RASIP1: variants seen among roughly 807,000 people sequenced by gnomAD.
RASIP1 encodes ras-interacting protein 1.
RASIP1 carries 20 observed loss-of-function variants against 85.3 expected under a neutral mutation model. The observed-to-expected ratio is 0.23, with a 90% CI of 0.17 to 0.34. The LOEUF (loss-of-function observed/expected upper bound fraction) is 0.34. Ranked by LOEUF, RASIP1 falls within the 10% of genes least tolerant of loss-of-function variation. RASIP1 has a pLI of 1.00. For synonymous variants in RASIP1, 617 were observed against 647.1 expected, an observed-to-expected ratio of 0.95 and a Z score of 0.71; for missense variants, 1,170 against 1,390.9, an observed-to-expected ratio of 0.84 and a Z score of 2.53.
chr19:48,739,926 C>T lies in RASIP1; in HGVS notation c.137+220G>A, dbSNP rs997598287. 1.3e-5 allele frequency among the ~76,000 whole-genome samples: 2 copies of T among 152,100 alleles called. No homozygotes were observed. Among genetic ancestry groups the T allele is most frequent in the Admixed American group, 6.5e-5 (1 of 15,270 alleles). On this transcript the variant is annotated intron_variant, in intron 2 of 11. Coordinates refer to ENST00000222145, the MANE Select transcript of RASIP1 (RefSeq NM_017805.3). This position sits in a 1 kb window ranked among gnomAD's most constrained non-coding sequence, Gnocchi z 9.2. ...TCAATCCCCCTGCTCCTTCTGTCCC[C>T]GTCCCCGTGCCCATCCGGCCTCACT... is the stretch of plus-strand genomic sequence containing the variant.
rs2033615733 is a variant in RASIP1, at chr19:48,738,812, A to G, written c.823+148T>C. 5.0e-6 allele frequency: 5 copies of G among 1,006,304 alleles called. No homozygotes were observed. Among genetic ancestry groups the G allele is most frequent in the Non-Finnish European group, 6.3e-6 (5 of 799,216 alleles). 62.3% of individuals were successfully genotyped at this position (1,006,304 alleles called of 1,614,324 possible). On this transcript the variant is annotated intron_variant, in intron 3 of 11. Transcript: ENST00000222145. The surrounding 1 kb of genome is among the most constrained non-coding windows in gnomAD (Gnocchi z 4.0). ...GCTCTAGCTCTGCCTAGAGTCCAAC[A>G]CGCACCGTCCAGTCCCCTCCCAGTC... is the stretch of plus-strand genomic sequence containing the variant.
chr19:48,737,235 A>G (rs759158275), intron 3 of RASIP1, among the ~76,000 whole-genome samples: 1 of 152,192 alleles, frequency 6.6e-6, no homozygotes, highest in Non-Finnish European at 1.5e-5. Flanking sequence ...ATCCTCACCT[A>G]GGATTTTACT....
Position 48,739,401 on chromosome 19 carries a change from C to T in RASIP1, c.382G>A (p.Ala128Thr). The change falls in exon 3 of 12, where the codon GCG (alanine) becomes ACG (threonine). Residue 128 changes from alanine (A) to threonine (T), a missense_variant. Ala to Thr is a moderately conservative substitution (Grantham distance 58). Transcript: ENST00000222145. The surrounding 1 kb of genome is among the most constrained non-coding windows in gnomAD (Gnocchi z 9.2). ...WASEKKLPELAAGVAPEPPLA... is the reference protein window; with the variant it reads ...WASEKKLPELTAGVAPEPPLA... ...GGGGGCTCGGGGGCCACGCCCGCCG[C>T]CAGCTCCGGCAGCTTCTTCTCGCTG... 2 of 1,357,300 alleles carry T rather than the reference C, an allele frequency of 1.5e-6. No individual in the cohort carries two copies. Among genetic ancestry groups the T allele is most frequent in the Non-Finnish European group, 1.9e-6 (2 of 1,060,198 alleles). The allele number at this position is 1,357,300 out of a possible 1,614,324, so 84.1% of individuals were successfully genotyped here.
intron 4 of RASIP1, among the ~76,000 whole-genome samples, chr19:48,729,813 C>A (rs904115392): frequency 2.9e-5 from 4 of 139,314 alleles, no homozygotes; most frequent in South Asian, 4.8e-4. Context: ...CTCCTGAGTT[C>A]AAGCAATTCT....
intron 5 of RASIP1, 123 bp downstream of exon 5, chr19:48,728,814 C>T (rs2033389999): frequency 1.8e-6 from 2 of 1,095,968 alleles, no homozygotes; most frequent in Admixed American, 4.3e-5. Flanking sequence ...CAAATCCTTC[C>T]CGAGGCGTCA....
chr19:48,735,679 T>G, intron 3 of RASIP1, 128 bp from the exon 4 acceptor site: 1 of 930,788 alleles, frequency 1.1e-6, no homozygotes, highest in Non-Finnish European at 1.6e-6. Flanking sequence ...GATTTAGGCT[T>G]TTGCATATTC....
rs765206379 is a variant in RASIP1, at chr19:48,727,012, T to G, written c.2018A>C (p.Gln673Pro). The G allele has an allele frequency of 6.2e-7, 1 of 1,614,176 alleles. No individual in the cohort carries two copies. Among genetic ancestry groups the G allele is most frequent in the Non-Finnish European group, 8.5e-7 (1 of 1,180,032 alleles). ...KVLEMEKEAD[Q>P]EDPQLCNDLE... Reference sequence around the variant, plus strand: ...GAGCCTGAGTCAGAGCTCACCCTCTTGGTCAGCCTCCTTCTCCATTTCCAG... The same window carrying G: ...GAGCCTGAGTCAGAGCTCACCCTCTGGGTCAGCCTCCTTCTCCATTTCCAG... The change falls in exon 7 of 12, where the codon CAA (glutamine) becomes CCA (proline). Residue 673 changes from glutamine (Q) to proline (P), a missense_variant. Physicochemically the swap from Gln to Pro is moderately conservative, Grantham distance 76. This residue lies in a region of RASIP1 where 426 missense variants were observed against 576.2 expected (regional missense o/e 0.74). Transcript: ENST00000222145.
chr19:48,726,944 A>G lies in RASIP1; in HGVS notation c.2024-56T>C. ...ACCAGAAGTCGGCAGCCAGGAGCCC[A>G]GGTCCCCAGGTGCAGGGCATGATGG... is the stretch of plus-strand genomic sequence containing the variant. On this transcript the variant is annotated intron_variant, in intron 7 of 11. Coordinates refer to ENST00000222145, the MANE Select transcript of RASIP1 (RefSeq NM_017805.3). The G allele has an allele frequency of 3.1e-6, 5 of 1,609,552 alleles. No individual in the cohort carries two copies. In the South Asian group the frequency reaches 3.3e-5, roughly 11 times the overall value.
Position 48,724,627 on chromosome 19 carries a change from G to A in RASIP1, c.2371+90C>T. ...AGCTTGTTCTCCAGGGTACCCAAAG[G>A]TGAGGCTTGAGCCCGTGGTGTGTCT... On this transcript the variant is annotated intron_variant, in intron 9 of 11. Transcript: ENST00000222145. The surrounding 1 kb of genome is among the most constrained non-coding windows in gnomAD (Gnocchi z 4.6). 1.9e-6 allele frequency: 3 copies of A among 1,580,086 alleles called. No individual in the cohort carries two copies. Among genetic ancestry groups the A allele is most frequent in the Non-Finnish European group, 2.6e-6 (3 of 1,159,382 alleles).
At chr19:48,725,224 A>C (rs1227066005) in intron 8 of RASIP1, 1 of 400,848 alleles carries the variant, frequency 2.5e-6, no homozygotes, top group Non-Finnish European at 4.5e-6. Flanking sequence ...AGGACAAAGG[A>C]TACTGGACAA....
chr19:48,726,235 C>G (rs1052901289), intron 8 of RASIP1, among the ~76,000 whole-genome samples: 3 of 151,740 alleles, frequency 2.0e-5, no homozygotes, highest in Admixed American at 2.0e-4. Context: ...TTATATTACT[C>G]TTTTGAGACA....
chr19:48,724,381 T>C lies in RASIP1; in HGVS notation c.2500A>G (p.Met834Val). The change falls in exon 10 of 12, where the codon ATG becomes GTG. Residue 834 changes from methionine (M) to valine (V), a missense_variant. By Grantham distance (21) the Met-to-Val change is conservative (BLOSUM62 1). Transcript: ENST00000222145. This position sits in a 1 kb window ranked among gnomAD's most constrained non-coding sequence, Gnocchi z 4.6. ...IATEFFRKLS[M>V]AVNLLCVPRT... ...GGCACACAGAGCAGGTTCACAGCCA[T>C]GGAGAGTTTCCGGAAGAACTCAGTG... 6.2e-7 allele frequency: 1 copy of C among 1,614,134 alleles called. No individual in the cohort carries two copies.
chr19:48,737,049 A>G (rs541897183), intron 3 of RASIP1, among the ~76,000 whole-genome samples: 1 of 152,280 alleles, frequency 6.6e-6, no homozygotes, highest in African/African-American at 2.4e-5. Flanking sequence ...CAACAACGAC[A>G]ACAACAACAA....
rs758635099 is a variant in RASIP1 at position 48,735,463 on chromosome 19, G to T, written c.912C>A (p.Thr304=). The T allele has an allele frequency of 3.2e-6, 5 of 1,584,898 alleles. No individual in the cohort carries two copies. The African/African-American group carries it at 4.0e-5, about 13-fold the overall frequency. The change falls in exon 4 of 12, where the codon ACC becomes ACA. Residue 304 remains threonine, a synonymous_variant. Coordinates refer to ENST00000222145, the MANE Select transcript of RASIP1 (RefSeq NM_017805.3). ...CAGACCCAGCTGGGGCCCCTGATCC[G>T]GTCCCCGGGCCAGGACTGGCCAGCG... ...GAALASPGPG[T]GSGAPAGSGG...
At position 48,720,739 on chromosome 19, in the gene RASIP1, C is replaced by G; in HGVS notation, c.*59G>C. ...CCAGAAAGCTTTGCGCTCAGGCGGG[C>G]TCCTGTCCGTAGAAGCCCGTGACAT... On this transcript the variant is annotated 3_prime_UTR_variant, in exon 12 of 12. Coordinates refer to ENST00000222145, the MANE Select transcript of RASIP1 (RefSeq NM_017805.3). The G allele has an allele frequency of 6.4e-7, 1 of 1,560,396 alleles. No homozygotes were observed. Among genetic ancestry groups the G allele is most frequent in the African/African-American group, 1.4e-5 (1 of 73,748 alleles).
Position 48,725,439 on chromosome 19 carries a change from A to G in RASIP1, c.2128-479T>C, listed in dbSNP as rs554961341. 116 of 159,622 alleles carry G rather than the reference A, an allele frequency of 7.3e-4. No homozygotes were observed. In the South Asian group the frequency reaches 7.7e-3, roughly 11 times the overall value. 9.9% of individuals were successfully genotyped at this position (159,622 alleles called of 1,614,324 possible). A position where few individuals can be genotyped will look rare whatever the true frequency, so the allele number is the denominator to read the frequency against. On this transcript the variant is annotated intron_variant, in intron 8 of 11. Transcript: ENST00000222145. Reference sequence around the variant, plus strand: ...GAAGTGAAGGAGGAAAGGGCTTCACAATCCAGGCTGCTAGAGGAACTTAGA... The same window carrying G: ...GAAGTGAAGGAGGAAAGGGCTTCACGATCCAGGCTGCTAGAGGAACTTAGA...
chr19:48,724,560 C>T lies in RASIP1; in HGVS notation c.2372-51G>A, dbSNP rs751837636. ...CAGTTGGTTGGCTGGACTCTGTGCT[C>T]CTGCCTCCCAGACTCTTCCTATCCT... On this transcript the variant is annotated intron_variant, in intron 9 of 11. Coordinates refer to ENST00000222145, the MANE Select transcript of RASIP1 (RefSeq NM_017805.3). This position sits in a 1 kb window ranked among gnomAD's most constrained non-coding sequence, Gnocchi z 4.6. The T allele has an allele frequency of 1.3e-6, 2 of 1,590,150 alleles. No individual in the cohort carries two copies. Among genetic ancestry groups the T allele is most frequent in the Non-Finnish European group, 1.7e-6 (2 of 1,163,786 alleles).
intron 8 of RASIP1, among the ~76,000 whole-genome samples, chr19:48,726,432 G>T (rs2033344432): frequency 6.6e-6 from 1 of 152,088 alleles, no homozygotes. Flanking sequence ...CACCATGTTG[G>T]CCAGGCTGCT....
At chr19:48,736,763 G>A (rs1599748368) in intron 3 of RASIP1, among the ~76,000 whole-genome samples, 1 of 152,290 alleles carries the variant, frequency 6.6e-6, no homozygotes, top group Middle Eastern at 3.4e-3. Context: ...GGCTGGGCGC[G>A]GTGGCTCACG....
Sources: allele counts gnomAD v4.1 joint callset (sites outside exome capture counted in the v4.1 genomes callset), GRCh38; gene constraint gnomAD v4.1.1; regional missense constraint gnomAD v4.1.1; non-coding constraint Gnocchi (gnomAD v3.1); transcripts MANE v1.5; gene names NCBI Gene and HGNC (gene_info 2026-07-23, HGNC 2026-07-21).